KCNH5: variants seen among roughly 807,000 people sequenced by gnomAD.
KCNH5 encodes potassium voltage-gated channel subfamily H member 5, also known as voltage-gated delayed rectifier potassium channel KCNH5.
Under a neutral mutation model 96.1 loss-of-function variants are expected in KCNH5, and 46 were observed. The observed-to-expected ratio is 0.48, with a 90% confidence interval of 0.38 to 0.61. The LOEUF (loss-of-function observed/expected upper bound fraction) is 0.61, where lower values mean the gene tolerates loss of function less well. KCNH5 is among the 20% of genes least tolerant of loss of function. The pLI, the probability that KCNH5 is intolerant of heterozygous loss-of-function variation, is 0.00. For synonymous variants in KCNH5, 439 were observed against 449.8 expected, an observed-to-expected ratio of 0.98 and a Z score of 0.30; for missense variants, 907 against 1,225.8, an observed-to-expected ratio of 0.74 and a Z score of 3.88.
chr14:62,781,973 G>T (rs1886228691), intron 9 of KCNH5, among the ~76,000 whole-genome samples: 1 of 152,184 alleles, frequency 6.6e-6, no homozygotes, highest in Non-Finnish European at 1.5e-5. Flanking sequence ...GTAAAGACAG[G>T]AATAAGAAAT....
chr14:62,707,412 C>A lies in KCNH5; in HGVS notation c.*96G>T, dbSNP rs1315431346. ...ATCAAAATCCATGTGTGGTCATCATCTTGAAAGCAAGTGAAAATATATATA... is the reference window on the plus strand; with the variant it reads ...ATCAAAATCCATGTGTGGTCATCATATTGAAAGCAAGTGAAAATATATATA... On this transcript the variant is annotated 3_prime_UTR_variant, in exon 11 of 11. Transcript: ENST00000322893. 3.3e-6 allele frequency: 2 copies of A among 600,994 alleles called. No homozygotes were observed. Among genetic ancestry groups the A allele is most frequent in the Non-Finnish European group, 4.9e-6 (2 of 405,810 alleles). 37.2% of individuals were successfully genotyped at this position (600,994 alleles called of 1,614,324 possible).
intron 7 of KCNH5, among the ~76,000 whole-genome samples, chr14:62,892,850 G>A (rs975362296): frequency 3.9e-5 from 6 of 152,022 alleles, no homozygotes; most frequent in Non-Finnish European, 8.8e-5. Context: ...GTTGAGACCT[G>A]GTGTACCCCC....
chr14:62,740,784 TAGTA>T (rs1885255900), intron 10 of KCNH5, among the ~76,000 whole-genome samples: 1 of 152,110 alleles, frequency 6.6e-6, no homozygotes, highest in Non-Finnish European at 1.5e-5. Context: ...GGATAGTACT[TAGTA>T]AGAACAGAAT....
chr14:62,733,911 G>A (rs78136217), intron 10 of KCNH5, among the ~76,000 whole-genome samples: 3,981 of 152,200 alleles, frequency 0.026, 103 homozygotes, highest in African/African-American at 0.074. Flanking sequence ...TTTCCCAAGT[G>A]AGGTTCTCCA....
chr14:62,730,433 G>C (rs1309172529), intron 10 of KCNH5, among the ~76,000 whole-genome samples: 1 of 152,112 alleles, frequency 6.6e-6, no homozygotes, highest in Non-Finnish European at 1.5e-5. Flanking sequence ...TGAAGGAAAT[G>C]GTTGAAAGAG....
chr14:62,749,415 G>A (rs888534954), intron 10 of KCNH5, among the ~76,000 whole-genome samples: 3 of 152,168 alleles, frequency 2.0e-5, no homozygotes, highest in African/African-American at 7.2e-5. Context: ...GGGTACTAAG[G>A]AGAACTTGAT....
intron 7 of KCNH5, among the ~76,000 whole-genome samples, chr14:62,856,584 T>C (rs1788780949): frequency 6.6e-6 from 1 of 152,218 alleles, no homozygotes; most frequent in African/African-American, 2.4e-5. Flanking sequence ...AGCACACAGC[T>C]TGTTAAAACA....
chr14:62,955,370 A>G (rs1890084149), intron 6 of KCNH5, among the ~76,000 whole-genome samples: 1 of 152,240 alleles, frequency 6.6e-6, no homozygotes, highest in African/African-American at 2.4e-5. Flanking sequence ...AGACAAGGCA[A>G]TAATAACATT....
At chr14:63,033,773 C>T (rs192486517) in intron 1 of KCNH5, among the ~76,000 whole-genome samples, 38 of 145,088 alleles carry the variant, frequency 2.6e-4, no homozygotes, top group African/African-American at 8.9e-4. Flanking sequence ...AGATAAGGAC[C>T]ATGGCAGGTA....
intron 7 of KCNH5, among the ~76,000 whole-genome samples, chr14:62,911,722 C>CT (rs556151079): frequency 0.015 from 2,137 of 142,984 alleles, 43 homozygotes; most frequent in African/African-American, 0.048. Flanking sequence ...TTTTAACTAG[C>CT]TTTTTTTTTT....
chr14:62,905,453 T>C (rs1046881846), intron 7 of KCNH5, among the ~76,000 whole-genome samples: 2 of 152,180 alleles, frequency 1.3e-5, no homozygotes, highest in Non-Finnish European at 2.9e-5. Flanking sequence ...TCTTATTTTT[T>C]CCTTTTTTTG....
At chr14:62,838,564 G>A (rs903726601) in intron 8 of KCNH5, among the ~76,000 whole-genome samples, 3 of 152,160 alleles carry the variant, frequency 2.0e-5, no homozygotes, top group Admixed American at 2.0e-4. Flanking sequence ...GTATGAAGAT[G>A]AGTGGGAAGG....
At chr14:63,022,813 G>A (rs1891453475) in intron 1 of KCNH5, among the ~76,000 whole-genome samples, 1 of 152,074 alleles carries the variant, frequency 6.6e-6, no homozygotes, top group African/African-American at 2.4e-5. Context: ...GACTGCTGAT[G>A]AGGTTATATC....
chr14:62,911,078 A>G (rs1889143644), intron 7 of KCNH5, among the ~76,000 whole-genome samples: 1 of 152,150 alleles, frequency 6.6e-6, no homozygotes, highest in South Asian at 2.1e-4. Context: ...AGGGGCATTT[A>G]AACAATGATG....
intron 2 of KCNH5, among the ~76,000 whole-genome samples, chr14:63,007,295 G>A (rs866893934): frequency 6.6e-6 from 1 of 152,088 alleles, no homozygotes; most frequent in South Asian, 2.1e-4. Context: ...AGTGAAAGTG[G>A]AAGAATAAAA....
intron 7 of KCNH5, among the ~76,000 whole-genome samples, chr14:62,892,354 A>G (rs114691624): frequency 1.4e-4 from 22 of 152,204 alleles, no homozygotes; most frequent in Middle Eastern, 3.2e-3. Context: ...ACTCTCCCCA[A>G]TTGTATGAAG....
chr14:62,756,926 A>G (rs1885636167), intron 10 of KCNH5, among the ~76,000 whole-genome samples: 1 of 152,230 alleles, frequency 6.6e-6, no homozygotes, highest in African/African-American at 2.4e-5. Context: ...AGCACAGGCA[A>G]CCAAAGCAAA....
chr14:62,713,051 G>A (rs761115912), intron 10 of KCNH5, among the ~76,000 whole-genome samples: 12 of 152,172 alleles, frequency 7.9e-5, no homozygotes, highest in Non-Finnish European at 1.3e-4. Flanking sequence ...ATTTGTTTAC[G>A]AGAATAGGGA....
intron 6 of KCNH5, among the ~76,000 whole-genome samples, chr14:62,964,909 T>G (rs1890277096): frequency 6.6e-6 from 1 of 152,122 alleles, no homozygotes; most frequent in Non-Finnish European, 1.5e-5. Context: ...TCTCCCCTAG[T>G]GCAAAAATCT....
Sources: gnomAD v4.1 joint callset for allele counts (sites outside exome capture counted in the v4.1 genomes callset) on GRCh38, gnomAD v4.1.1 for gene constraint, MANE v1.5 for transcripts, NCBI Gene and HGNC (gene_info 2026-07-23, HGNC 2026-07-21) for gene names.